The following NEDD4 variants were observed in gnomAD, a reference collection of about 807,000 sequenced individuals.
NEDD4 encodes NEDD4 E3 ubiquitin protein ligase, also known as E3 ubiquitin-protein ligase NEDD4.
In NEDD4, 99 loss-of-function variants were observed where a neutral mutation model predicts 144.9. That is an observed-to-expected ratio of 0.68 (90% CI 0.58 to 0.81). NEDD4 has a LOEUF of 0.81. NEDD4 is among the 30% of genes least tolerant of loss of function. The probability of loss-of-function intolerance (pLI) is 0.00; values close to 1 mark genes in which losing one functional copy is unlikely to be tolerated. For missense variants in NEDD4, 985 were observed against 1,065.9 expected (o/e 0.92, Z 1.06); for synonymous variants, 318 against 350.6 (o/e 0.91, Z 1.04).
At chr15:55,957,672 T>C (rs912995116) in intron 2 of NEDD4, among the ~76,000 whole-genome samples, 1 of 152,192 alleles carries the variant, frequency 6.6e-6, no homozygotes, top group Non-Finnish European at 1.5e-5. Context: ...CACATGCACA[T>C]GTATGTTTAT....
intron 2 of NEDD4, among the ~76,000 whole-genome samples, chr15:55,963,635 A>G (rs1339999405): frequency 6.6e-6 from 1 of 152,208 alleles, no homozygotes; most frequent in Non-Finnish European, 1.5e-5. Flanking sequence ...TTAACTTGTG[A>G]TTTCAACAGG....
Position 55,838,170 on chromosome 15 carries a change from T to G in NEDD4, c.2138A>C (p.His713Pro). ...DEELFGQTHQ[H>P]ELKNGGSEIV... ...TTCTGATCCACCATTTTTCAGCTCA[T>G]GTTGATGTGTCTAAAATTAAACACA... Residue 713 changes from histidine (H) to proline (P), a missense_variant, in exon 23 of 29, where the codon CAT (histidine) becomes CCT (proline). By Grantham distance (77) the His-to-Pro change is moderately conservative. Transcript: ENST00000435532. 6.3e-7 allele frequency: 1 copy of G among 1,595,644 alleles called. No individual in the cohort carries two copies.
intron 4 of NEDD4, among the ~76,000 whole-genome samples, chr15:55,927,122 G>T (rs565225577): frequency 5.3e-5 from 8 of 150,052 alleles, no homozygotes; most frequent in African/African-American, 2.0e-4. Context: ...AAGAAAAACA[G>T]TGTAAGATGA....
rs2033456905 is a variant in NEDD4, at chr15:55,840,587, G to C, written c.1960+19C>G. Reference sequence around the variant, plus strand: ...AAAACAGGTAATTATATTGTAAAAAGTTTATACTTAATACTAACCATCCAA... The same window carrying C: ...AAAACAGGTAATTATATTGTAAAAACTTTATACTTAATACTAACCATCCAA... On this transcript the variant is annotated intron_variant, in intron 20 of 28. Transcript: ENST00000435532. 6.2e-7 allele frequency: 1 copy of C among 1,613,556 alleles called. No homozygotes were observed. Among genetic ancestry groups the C allele is most frequent in the African/African-American group, 1.3e-5 (1 of 74,890 alleles).
Position 55,869,862 on chromosome 15 carries a change from T to TATAAATAAATAAATAA in NEDD4, c.405-197_405-182dup, listed in dbSNP as rs778928932. On this transcript the variant is annotated intron_variant, in intron 7 of 28. Transcript: ENST00000435532. ...AGAAGGTAGAGAAAAGGCAAACATATATAAATAAATAAATAAATAAATAAA... is the reference window on the plus strand; with the variant it reads ...AGAAGGTAGAGAAAAGGCAAACATATATAAATAAATAAATAAATAAATAAATAAATAAATAAATAAA... Among the ~76,000 whole-genome samples, 243 of 79,604 alleles carry TATAAATAAATAAATAA rather than the reference T, an allele frequency of 3.1e-3. 1 individual carries two copies. The highest frequency in any genetic ancestry group is 4.7e-3 in the African/African-American group (120 of 25,518). The allele number at this position is 79,604 out of a possible 152,430, so 52.2% of individuals were successfully genotyped here. A position where few individuals can be genotyped will look rare whatever the true frequency, so the allele number is the denominator to read the frequency against.
At chr15:55,855,310 A>T (rs563374356) in intron 12 of NEDD4, among the ~76,000 whole-genome samples, 2 of 152,316 alleles carry the variant, frequency 1.3e-5, no homozygotes, top group South Asian at 4.1e-4. Flanking sequence ...TTGGGGAAGA[A>T]AATGAGAAAG....
At chr15:55,851,749 T>A (rs945305869) in intron 13 of NEDD4, among the ~76,000 whole-genome samples, 8 of 151,960 alleles carry the variant, frequency 5.3e-5, no homozygotes, top group African/African-American at 1.9e-4. Context: ...AGTGCTGGGA[T>A]TATAGGCATG....
At chr15:55,867,703 AAG>A (rs1413400493) in intron 8 of NEDD4, among the ~76,000 whole-genome samples, 60 of 152,342 alleles carry the variant, frequency 3.9e-4, no homozygotes, top group African/African-American at 1.4e-3. Flanking sequence ...CAAATAAGTG[AAG>A]AGAGTTCTTT....
In NEDD4 at chr15:55,849,986, G is replaced by T. The variant is rs1002043836; in HGVS notation, c.1347+556C>A. 1.1e-4 allele frequency among the ~76,000 whole-genome samples: 16 copies of T among 151,742 alleles called. 1 individual carries two copies. The South Asian group carries it at 3.3e-3, about 32-fold the overall frequency. On this transcript the variant is annotated intron_variant, in intron 14 of 28. Coordinates refer to ENST00000435532, the MANE Select transcript of NEDD4 (RefSeq NM_006154.4). ...TATTTTGTATTTTTAGTAGAAACGGGGTTTCACCATGTTAGCCAGGATGGT... is the reference window on the plus strand; with the variant it reads ...TATTTTGTATTTTTAGTAGAAACGGTGTTTCACCATGTTAGCCAGGATGGT...
intron 24 of NEDD4, among the ~76,000 whole-genome samples, chr15:55,836,230 C>G (rs2033186207): frequency 6.6e-6 from 1 of 152,136 alleles, no homozygotes; most frequent in South Asian, 2.1e-4. Context: ...GTTCATTTCA[C>G]TCTTTACATC....
intron 12 of NEDD4, among the ~76,000 whole-genome samples, chr15:55,854,674 G>C (rs934472037): frequency 1.7e-4 from 26 of 152,134 alleles, no homozygotes; most frequent in African/African-American, 6.3e-4. Context: ...ACTTGATTGT[G>C]GTGATGTCTC....
At chr15:55,973,205 C>A (rs150280553) in intron 1 of NEDD4, among the ~76,000 whole-genome samples, 867 of 152,322 alleles carry the variant, frequency 5.7e-3, no homozygotes, top group Non-Finnish European at 9.0e-3. Flanking sequence ...GCATATGGAT[C>A]ATTCTCAAGG....
At chr15:55,942,570 C>T (rs1470929265) in intron 4 of NEDD4, among the ~76,000 whole-genome samples, 2 of 152,180 alleles carry the variant, frequency 1.3e-5, no homozygotes, top group Non-Finnish European at 2.9e-5. Context: ...TTCCCCTTCA[C>T]CTTCTGTCAC....
chr15:55,915,279 C>A (rs2036398732), intron 5 of NEDD4: 2 of 1,551,246 alleles, frequency 1.3e-6, no homozygotes, highest in African/African-American at 1.4e-5. Flanking sequence ...CCAAAGGAAA[C>A]TTACCTTGCA....
chr15:55,845,526 G>T (rs201865264), intron 18 of NEDD4, among the ~76,000 whole-genome samples: 4 of 148,274 alleles, frequency 2.7e-5, no homozygotes, highest in Admixed American at 1.3e-4. Flanking sequence ...TTTTATCATG[G>T]TTTTTTTTTT....
At chr15:55,969,916 G>A (rs1036926441) in intron 1 of NEDD4, among the ~76,000 whole-genome samples, 6 of 151,986 alleles carry the variant, frequency 3.9e-5, no homozygotes, top group Non-Finnish European at 7.4e-5. Context: ...TGCAACTTGG[G>A]TACCAGCTCA....
rs141251902 is a variant in NEDD4, at chr15:55,907,305, T to C, written c.291+17341A>G. On this transcript the variant is annotated intron_variant, in intron 5 of 28. Coordinates refer to ENST00000435532, the MANE Select transcript of NEDD4 (RefSeq NM_006154.4). ...AACATGGAGAAAAAGACAGAAAATC[T>C]TCAAAGAAATAATATCTGACTTTTA... Among the ~76,000 whole-genome samples, 134 of 152,166 alleles carry C rather than the reference T, an allele frequency of 8.8e-4. 1 individual carries two copies. The East Asian group carries it at 0.022, about 25-fold the overall frequency.
chr15:55,956,858 T>A (rs2037346690), intron 2 of NEDD4, among the ~76,000 whole-genome samples: 1 of 152,186 alleles, frequency 6.6e-6, no homozygotes, highest in Admixed American at 6.6e-5. Flanking sequence ...GAGATTTTTA[T>A]TGGGATTGTG....
At chr15:55,911,235 T>C (rs771836315) in intron 5 of NEDD4, among the ~76,000 whole-genome samples, 7 of 152,066 alleles carry the variant, frequency 4.6e-5, no homozygotes, top group Non-Finnish European at 1.0e-4. Flanking sequence ...GTTACTAGCA[T>C]TTAGTGGGTG....
Sources: allele counts gnomAD v4.1 joint callset (sites outside exome capture counted in the v4.1 genomes callset), GRCh38; gene constraint gnomAD v4.1.1; transcripts MANE v1.5; gene names NCBI Gene and HGNC (gene_info 2026-07-23, HGNC 2026-07-21).